Variants in PCDHA3 observed in about 807,000 individuals in gnomAD.
PCDHA3 encodes the protein protocadherin alpha 3.
PCDHA3 carries 41 observed loss-of-function variants against 62.2 expected under a neutral mutation model. That is an observed-to-expected ratio of 0.66 (90% CI 0.51 to 0.86). The LOEUF (loss-of-function observed/expected upper bound fraction) is 0.86, where lower values mean the gene tolerates loss of function less well. PCDHA3 is among the 40% of genes least tolerant of loss of function. PCDHA3 has a pLI of 0.00. For missense variants in PCDHA3, 1,304 were observed against 1,241.2 expected, an observed-to-expected ratio of 1.05 and a Z score of -0.76; for synonymous variants, 640 against 555.4, an observed-to-expected ratio of 1.15 and a Z score of -2.14.
intron 1 of PCDHA3, chr5:140,854,159 C>CAA (rs59855104): frequency 0.094 from 31,914 of 338,462 alleles, 1,044 homozygotes; most frequent in African/African-American, 0.16. Flanking sequence ...GATTCTGTCT[C>CAA]AAAAAAAAAA....
intron 1 of PCDHA3, among the ~76,000 whole-genome samples, chr5:140,892,821 T>C (rs2063687425): frequency 6.6e-6 from 1 of 152,210 alleles, no homozygotes; most frequent in Non-Finnish European, 1.5e-5. Context: ...TATCCTACAG[T>C]GCTACAGTGC....
At chr5:140,907,287 G>C (rs1179027055) in intron 1 of PCDHA3, among the ~76,000 whole-genome samples, 1 of 152,178 alleles carries the variant, frequency 6.6e-6, no homozygotes, top group Non-Finnish European at 1.5e-5. Flanking sequence ...TATCAATCCA[G>C]CTGCTTCAGG....
chr5:140,934,706 T>G (rs141577289), intron 1 of PCDHA3, among the ~76,000 whole-genome samples: 348 of 152,292 alleles, frequency 2.3e-3, no homozygotes, highest in African/African-American at 8.1e-3. Context: ...CCTGGCCATC[T>G]TACAAAAAGG....
intron 1 of PCDHA3, chr5:140,835,731 G>GA: frequency 6.2e-7 from 1 of 1,613,790 alleles, no homozygotes; most frequent in Non-Finnish European, 8.5e-7. Flanking sequence ...CGACGTGAAC[G>GA]ACAACGCCCC....
At chr5:140,923,364 A>C (rs1414879540) in intron 1 of PCDHA3, among the ~76,000 whole-genome samples, 1 of 152,106 alleles carries the variant, frequency 6.6e-6, no homozygotes, top group African/African-American at 2.4e-5. Flanking sequence ...TATCTTTATA[A>C]AATATTTTTA....
At chr5:140,919,359 G>T (rs188480486) in intron 1 of PCDHA3, among the ~76,000 whole-genome samples, 3 of 152,146 alleles carry the variant, frequency 2.0e-5, no homozygotes, top group African/African-American at 7.2e-5. Context: ...ATCTAAAAGT[G>T]TCTCCTGCAG....
chr5:140,832,882 G>A (rs1772196387), intron 1 of PCDHA3, among the ~76,000 whole-genome samples: 2 of 152,140 alleles, frequency 1.3e-5, no homozygotes, highest in Admixed American at 6.6e-5. Flanking sequence ...GTTATAAAAT[G>A]GAAAGAGTTT....
At chr5:140,922,254 T>G (rs2080741873) in intron 1 of PCDHA3, among the ~76,000 whole-genome samples, 1 of 152,228 alleles carries the variant, frequency 6.6e-6, no homozygotes, top group East Asian at 1.9e-4. Context: ...GATAAGTTAC[T>G]AAGTGCCATG....
At chr5:140,997,302 G>A (rs1430183310) in intron 3 of PCDHA3, among the ~76,000 whole-genome samples, 2 of 152,154 alleles carry the variant, frequency 1.3e-5, no homozygotes, top group Non-Finnish European at 2.9e-5. Flanking sequence ...GATACACTGA[G>A]AAATGTGTCT....
chr5:140,856,837 C>A, intron 1 of PCDHA3: 1 of 1,591,918 alleles, frequency 6.3e-7, no homozygotes, highest in Non-Finnish European at 8.6e-7. Flanking sequence ...TAATACGGCT[C>A]AACGCTTCTG....
intron 1 of PCDHA3, chr5:140,929,251 G>A (rs782590821): frequency 6.2e-7 from 1 of 1,613,534 alleles, no homozygotes; most frequent in South Asian, 1.1e-5. Flanking sequence ...TGCCACTGGG[G>A]TAGGACTGAA....
Position 140,802,310 on chromosome 5 carries a change from G to C in PCDHA3, c.1113G>C (p.Leu371=), listed in dbSNP as rs1554122024. The C allele has an allele frequency of 1.2e-6, 2 of 1,614,220 alleles. No homozygotes were observed. Among genetic ancestry groups the C allele is most frequent in the Non-Finnish European group, 8.5e-7 (1 of 1,180,038 alleles). Residue 371 remains leucine, a synonymous_variant, in exon 1 of 4, where the codon CTG becomes CTC. Coordinates refer to ENST00000522353, the MANE Select transcript of PCDHA3 (RefSeq NM_018906.3). ...EDSPLSTVIA[L]ISVSDRDSGV... ...CTCCACTTAGCACAGTCATCGCTCTGATCAGCGTGTCCGACCGCGACTCAG... is the reference window on the plus strand; with the variant it reads ...CTCCACTTAGCACAGTCATCGCTCTCATCAGCGTGTCCGACCGCGACTCAG...
chr5:140,823,687 G>A, intron 1 of PCDHA3: 1 of 1,614,016 alleles, frequency 6.2e-7, no homozygotes, highest in Non-Finnish European at 8.5e-7. Context: ...CTCTCTGGAT[G>A]AGACCGAAGC....
At chr5:140,836,646 C>A (rs1554136175) in intron 1 of PCDHA3, 7 of 1,613,258 alleles carry the variant, frequency 4.3e-6, no homozygotes, top group Admixed American at 3.3e-5. Flanking sequence ...CCAGCAGAGG[C>A]GGCAGAGGGT....
chr5:140,849,276 G>A, intron 1 of PCDHA3: 1 of 1,173,354 alleles, frequency 8.5e-7, no homozygotes, highest in Admixed American at 2.6e-5. Flanking sequence ...CGGAACGCTG[G>A]TGATTCACCC....
At chr5:140,853,696 TAACGC>T (rs1477764717) in intron 1 of PCDHA3, 1 of 988,156 alleles carries the variant, frequency 1.0e-6, no homozygotes, top group African/African-American at 1.8e-5. Flanking sequence ...TTAGACCTGC[TAACGC>T]ATTAGCATTA....
intron 1 of PCDHA3, chr5:140,927,568 A>G: frequency 1.9e-6 from 3 of 1,614,174 alleles, no homozygotes; most frequent in Non-Finnish European, 2.5e-6. Context: ...TGTGGTGGAC[A>G]CAAATGACAA....
intron 1 of PCDHA3, among the ~76,000 whole-genome samples, chr5:140,881,799 C>A (rs368456285): frequency 3.3e-5 from 5 of 152,282 alleles, no homozygotes; most frequent in Admixed American, 2.0e-4. Flanking sequence ...TGTCCCAAAA[C>A]GAGTGTCGAA....
chr5:140,836,158 C>T, intron 1 of PCDHA3: 2 of 1,613,784 alleles, frequency 1.2e-6, no homozygotes, highest in Non-Finnish European at 1.7e-6. Context: ...CATGTGGTGG[C>T]GAAGGTACGT....
Sources: allele counts gnomAD v4.1 joint callset (sites outside exome capture counted in the v4.1 genomes callset), GRCh38; gene constraint gnomAD v4.1.1; transcripts MANE v1.5; gene names NCBI Gene and HGNC (gene_info 2026-07-23, HGNC 2026-07-21).